Variants in SLC16A7 observed in about 807,000 individuals in gnomAD.
SLC16A7 encodes solute carrier family 16 member 7, also known as monocarboxylate transporter 2.
In SLC16A7, 33 loss-of-function variants were observed where a neutral mutation model predicts 34.9. The ratio of observed to expected loss-of-function variants is 0.94; its 90% CI spans 0.72 to 1.26. The LOEUF (loss-of-function observed/expected upper bound fraction) is 1.26. SLC16A7 is among the 50% of genes most tolerant of loss of function. The pLI is 0.00. For missense variants in SLC16A7, 573 were observed against 578.1 expected (o/e 0.99, Z 0.09); for synonymous variants, 201 against 206.6 (o/e 0.97, Z 0.23).
chr12:59,683,551 G>A (rs1374725056), intron 2 of SLC16A7, among the ~76,000 whole-genome samples: 1 of 152,192 alleles, frequency 6.6e-6, no homozygotes, highest in Non-Finnish European at 1.5e-5. Context: ...AAAGGACTTG[G>A]GGTTTTTCAG....
intron 2 of SLC16A7, among the ~76,000 whole-genome samples, chr12:59,688,117 G>A (rs569342515): frequency 1.1e-4 from 16 of 152,080 alleles, no homozygotes; most frequent in Admixed American, 1.1e-3. Flanking sequence ...TGACTCCAGT[G>A]GATAGTTAAC....
chr12:59,727,044 A>T (rs892666050), intron 3 of SLC16A7, among the ~76,000 whole-genome samples: 1 of 151,758 alleles, frequency 6.6e-6, no homozygotes, highest in African/African-American at 2.4e-5. Context: ...CATGAGGCAA[A>T]ACTTGTCAGT....
intron 1 of SLC16A7, among the ~76,000 whole-genome samples, chr12:59,617,035 T>G (rs1371914350): frequency 6.6e-6 from 1 of 152,120 alleles, no homozygotes; most frequent in Non-Finnish European, 1.5e-5. Context: ...TTCCAGTGAA[T>G]AATATTTTGA....
intron 3 of SLC16A7, among the ~76,000 whole-genome samples, chr12:59,729,867 A>G (rs545178442): frequency 4.3e-4 from 66 of 152,358 alleles, no homozygotes; most frequent in Admixed American, 9.8e-4. Context: ...CTACACCTGG[A>G]AAGTGCTATC....
At chr12:59,764,790 C>T (rs1281910709) in intron 3 of SLC16A7, among the ~76,000 whole-genome samples, 1 of 152,160 alleles carries the variant, frequency 6.6e-6, no homozygotes, top group East Asian at 1.9e-4. Flanking sequence ...CCGCAATAAA[C>T]ATACGTGTGC....
chr12:59,645,950 C>G (rs1362467557), intron 1 of SLC16A7, among the ~76,000 whole-genome samples: 1 of 152,032 alleles, frequency 6.6e-6, no homozygotes, highest in South Asian at 2.1e-4. Context: ...GCATTTTGCC[C>G]CTGCTGTAGA....
chr12:59,645,106 C>A (rs1440883613), intron 1 of SLC16A7, among the ~76,000 whole-genome samples: 2 of 152,072 alleles, frequency 1.3e-5, no homozygotes, highest in Non-Finnish European at 2.9e-5. Flanking sequence ...GGGGAGAAAC[C>A]TTTAAATTGG....
At chr12:59,725,157 C>T (rs755011643) in intron 3 of SLC16A7, among the ~76,000 whole-genome samples, 13 of 151,960 alleles carry the variant, frequency 8.6e-5, no homozygotes, top group South Asian at 2.1e-4. Flanking sequence ...ATTTTTGATG[C>T]GTTCTTAATG....
intron 2 of SLC16A7, among the ~76,000 whole-genome samples, chr12:59,682,835 C>A (rs1870847407): frequency 6.6e-6 from 1 of 152,056 alleles, no homozygotes; most frequent in Non-Finnish European, 1.5e-5. Flanking sequence ...TTTGGGAGGC[C>A]AAGGTGGGAT....
intron 2 of SLC16A7, among the ~76,000 whole-genome samples, chr12:59,661,636 C>T (rs1330721063): frequency 6.6e-6 from 1 of 152,046 alleles, no homozygotes; most frequent in Non-Finnish European, 1.5e-5. Context: ...GTACTCAAAT[C>T]ACCTTTCCAA....
At chr12:59,707,206 C>T (rs1480849465) in intron 3 of SLC16A7, among the ~76,000 whole-genome samples, 1 of 152,040 alleles carries the variant, frequency 6.6e-6, no homozygotes, top group Non-Finnish European at 1.5e-5. Flanking sequence ...TACTGCCCTA[C>T]CCAGAGTTAG....
intron 1 of SLC16A7, among the ~76,000 whole-genome samples, chr12:59,606,858 A>G (rs1443856426): frequency 6.8e-6 from 1 of 148,046 alleles, no homozygotes; most frequent in African/African-American, 2.5e-5. Flanking sequence ...GAATATATAT[A>G]TATGTGTGTG....
rs771674993 is a variant in SLC16A7 at position 59,705,037 on chromosome 12, A to G, written c.217+19A>G. The G allele has an allele frequency of 6.6e-7, 1 of 1,511,412 alleles. No homozygotes were observed. The highest frequency in any genetic ancestry group is 1.1e-5 in the South Asian group (1 of 89,026). The allele number at this position is 1,511,412 out of a possible 1,614,324, so 93.6% of individuals were successfully genotyped here. ...GCAGGAGGTAAGCTTCTTGCAATAA[A>G]TAGAATCCTGAATTAAGAAAATAAT... On this transcript the variant is annotated intron_variant, in intron 3 of 5. Transcript: ENST00000547379.
chr12:59,777,803 T>G (rs1431695893), intron 5 of SLC16A7, among the ~76,000 whole-genome samples: 1 of 78,626 alleles, frequency 1.3e-5, no homozygotes, highest in Non-Finnish European at 2.4e-5. Context: ...TCCCTCCCCC[T>G]CCCCCCACCC....
At chr12:59,698,282 TCC>T (rs1448945927) in intron 2 of SLC16A7, among the ~76,000 whole-genome samples, 1 of 151,716 alleles carries the variant, frequency 6.6e-6, no homozygotes, top group African/African-American at 2.4e-5. Context: ...TTTAAAGAAA[TCC>T]AAATAAATGA....
Position 59,748,066 on chromosome 12 carries a change from G to A in SLC16A7, c.218-23153G>A, listed in dbSNP as rs944652565. On this transcript the variant is annotated intron_variant, in intron 3 of 5. Coordinates refer to ENST00000547379, the MANE Select transcript of SLC16A7 (RefSeq NM_001270623.2). ...AAAAATACAAAAATTAGCTGGGCAT[G>A]GTGGTGGGTGCCTGTAATCCCAGCT... Among the ~76,000 whole-genome samples the A allele has an allele frequency of 2.0e-5, 3 of 152,112 alleles. No individual in the cohort carries two copies. In the South Asian group the frequency reaches 6.2e-4, roughly 32 times the overall value.
chr12:59,675,292 G>C (rs2137061255), intron 2 of SLC16A7, among the ~76,000 whole-genome samples: 1 of 152,322 alleles, frequency 6.6e-6, no homozygotes, highest in East Asian at 1.9e-4. Flanking sequence ...TTTGGAGATG[G>C]TGCCTTTGGG....
intron 2 of SLC16A7, among the ~76,000 whole-genome samples, chr12:59,684,153 G>A (rs1870964712): frequency 6.6e-6 from 1 of 152,116 alleles, no homozygotes; most frequent in African/African-American, 2.4e-5. Flanking sequence ...CAAGATAAAG[G>A]CAACTCTAAA....
chr12:59,629,542 C>T (rs186538089), intron 1 of SLC16A7, among the ~76,000 whole-genome samples: 2 of 151,668 alleles, frequency 1.3e-5, no homozygotes, highest in Admixed American at 6.6e-5. Flanking sequence ...ATAAAATGAA[C>T]GAAAATAAAC....
Sources: allele counts gnomAD v4.1 joint callset (sites outside exome capture counted in the v4.1 genomes callset), GRCh38; gene constraint gnomAD v4.1.1; transcripts MANE v1.5; gene names NCBI Gene and HGNC (gene_info 2026-07-23, HGNC 2026-07-21).